REXO4: variants seen among roughly 807,000 people sequenced by gnomAD.
REXO4 encodes the protein REX4 homolog, 3'-5' exonuclease.
REXO4 carries 29 observed loss-of-function variants against 39.9 expected under a neutral mutation model. The ratio of observed to expected loss-of-function variants is 0.73; its 90% CI spans 0.54 to 0.99. The LOEUF (loss-of-function observed/expected upper bound fraction) is 0.99. Among genes scored for constraint, REXO4 ranks in the 50% least tolerant of loss-of-function variants. REXO4 has a pLI of 0.00. For synonymous variants in REXO4, 184 were observed against 206.2 expected (o/e 0.89, Z 0.92); for missense variants, 524 against 546.5 (o/e 0.96, Z 0.41).
chr9:133,411,070 T>C lies in REXO4; in HGVS notation c.914A>G (p.Glu305Gly). 6.2e-7 allele frequency: 1 copy of C among 1,613,964 alleles called. No individual in the cohort carries two copies. Among genetic ancestry groups the C allele is most frequent in the Non-Finnish European group, 8.5e-7 (1 of 1,179,912 alleles). Residue 305 changes from glutamate (E) to glycine (G), a missense_variant, in exon 5 of 8, where the codon GAA (glutamate) becomes GGA (glycine). Transcript: ENST00000371942. Reference protein sequence around the residue: ...GIRPENLKQGEELEVVQKEVA... With the variant: ...GIRPENLKQGGELEVVQKEVA... ...TTCCTTCTGAACAACTTCAAGCTCT[T>C]CTCCTGGAAAATCAACACAAAGAAG...
In REXO4 at chr9:133,410,943, C is replaced by T. The variant is rs188804283; in HGVS notation, c.999+42G>A. 2.3e-4 allele frequency: 347 copies of T among 1,478,886 alleles called. No homozygotes were observed. The African/African-American group carries it at 4.0e-3, about 17-fold the overall frequency. 91.6% of individuals were successfully genotyped at this position (1,478,886 alleles called of 1,614,324 possible). A position where few individuals can be genotyped will look rare whatever the true frequency, so the allele number is the denominator to read the frequency against. On this transcript the variant is annotated intron_variant, in intron 5 of 7. Coordinates refer to ENST00000371942, the MANE Select transcript of REXO4 (RefSeq NM_020385.4). ...AGCAAGGGCGTGAGTGTAACACCCA[C>T]GGAGCAGGGGCAGGCTGAGTCCCCA...
At chr9:133,412,198 C>T in intron 4 of REXO4, 101 bp downstream of exon 4, 1 of 1,237,374 alleles carries the variant, frequency 8.1e-7, no homozygotes. Context: ...GCATCAAAAC[C>T]AGCTGCAGTG....
intron 2 of REXO4, chr9:133,414,365 C>T (rs1274236594): frequency 1.0e-5 from 6 of 596,162 alleles, no homozygotes; most frequent in Admixed American, 4.3e-5. Context: ...ACCCAACTGG[C>T]GAGAAGCAGG....
chr9:133,409,040 A>G (rs1428794156), intron 5 of REXO4, among the ~76,000 whole-genome samples, 198 bp from the exon 6 acceptor site: 2 of 146,530 alleles, frequency 1.4e-5, no homozygotes, highest in African/African-American at 5.1e-5. Context: ...ATCTTTGCTG[A>G]CTGCAACCTC....
chr9:133,412,256 TTACTAC>T, intron 4 of REXO4, 37 bp downstream of exon 4: 2 of 1,591,536 alleles, frequency 1.3e-6, no homozygotes, highest in Non-Finnish European at 1.7e-6. Context: ...ACGAATCCAG[TTACTAC>T]TTTCCCTTCT....
intron 1 of REXO4, 34 bp downstream of exon 1, chr9:133,417,586 C>A: frequency 1.2e-6 from 2 of 1,602,960 alleles, no homozygotes; most frequent in Non-Finnish European, 1.7e-6. Context: ...GAATGAGCTG[C>A]GCAGCGCTCC....
chr9:133,410,943 C>G (rs188804283), intron 5 of REXO4, 42 bp downstream of exon 5: 1 of 1,478,888 alleles, frequency 6.8e-7, no homozygotes, highest in South Asian at 1.1e-5. Flanking sequence ...GTAACACCCA[C>G]GGAGCAGGGG....
In REXO4 at chr9:133,411,003, A is replaced by T. The variant is rs1554780007; in HGVS notation, c.981T>A (p.Ala327=). 6 of 1,614,066 alleles carry T rather than the reference A, an allele frequency of 3.7e-6. No individual in the cohort carries two copies. The highest frequency in any genetic ancestry group is 1.3e-5 in the African/African-American group (1 of 75,020). Residue 327 remains alanine, a synonymous_variant, in exon 5 of 8, where the codon GCT becomes GCA. Transcript: ENST00000371942. The stretch of plus-strand genomic sequence containing the variant: ...CCAGTACCTTTAGGTCATTATGCAG[A>T]GCGTGCCCCACTAGAATTCTGCCCT... ...MLKGRILVGH[A]LHNDLKVLFL... is the part of the protein sequence containing the mutation.
rs1336986124 is a variant in REXO4, at chr9:133,415,067, G to A, written c.226-56C>T. 4.1e-6 allele frequency: 6 copies of A among 1,474,242 alleles called. No homozygotes were observed. The African/African-American group carries it at 7.1e-5, about 17-fold the overall frequency. The allele number at this position is 1,474,242 out of a possible 1,614,324, so 91.3% of individuals were successfully genotyped here. A position where few individuals can be genotyped will look rare whatever the true frequency, so the allele number is the denominator to read the frequency against. Reference sequence around the variant, plus strand: ...TTGAATTTGGAAATTACACACAGCAGATTGAAAAAACTTACGTGTGTATGT... The same window carrying A: ...TTGAATTTGGAAATTACACACAGCAAATTGAAAAAACTTACGTGTGTATGT... On this transcript the variant is annotated intron_variant, in intron 1 of 7. Transcript: ENST00000371942.
At chr9:133,409,378 C>A (rs1839095824) in intron 5 of REXO4, among the ~76,000 whole-genome samples, 1 of 152,054 alleles carries the variant, frequency 6.6e-6, no homozygotes, top group Non-Finnish European at 1.5e-5. Context: ...TAAGCTGATG[C>A]CCAACAGTCA....
Position 133,417,776 on chromosome 9 carries a change from G to T in REXO4, c.69C>A (p.Val23=). The T allele has an allele frequency of 6.2e-7, 1 of 1,611,354 alleles. No homozygotes were observed. Among genetic ancestry groups the T allele is most frequent in the South Asian group, 1.1e-5 (1 of 91,078 alleles). ...PSSPVAKPGP[V]KTLTRKKNKK... is the part of the protein sequence containing the mutation. The stretch of plus-strand genomic sequence containing the variant: ...TGTTTTTCTTCCGAGTGAGCGTCTT[G>T]ACAGGACCCGGCTTAGCCACGGGGC... The change falls in exon 1 of 8, where the codon GTC becomes GTA. Residue 23 remains valine, a synonymous_variant. Coordinates refer to ENST00000371942, the MANE Select transcript of REXO4 (RefSeq NM_020385.4).
intron 1 of REXO4, 114 bp from the exon 2 acceptor site, chr9:133,415,125 C>T: frequency 1.3e-6 from 1 of 797,454 alleles, no homozygotes; most frequent in Non-Finnish European, 2.0e-6. Context: ...CACATCTATA[C>T]AATTCCCATC....
chr9:133,408,765 T>C lies in REXO4; in HGVS notation c.1074+3A>G. ...TATCTTGAGTCACACTCATTCTAAG[T>C]ACCTTTACTTGACTCTTGAAAGGTT... On this transcript the variant is annotated splice_donor_region_variant and intron_variant, in intron 6 of 7. Coordinates refer to ENST00000371942, the MANE Select transcript of REXO4 (RefSeq NM_020385.4). The C allele has an allele frequency of 6.3e-7, 1 of 1,583,618 alleles. No homozygotes were observed. Among genetic ancestry groups the C allele is most frequent in the Non-Finnish European group, 8.7e-7 (1 of 1,154,886 alleles).
Position 133,407,096 on chromosome 9 carries a change from C to G in REXO4, c.1150-24G>C, listed in dbSNP as rs1838922975. The G allele has an allele frequency of 1.9e-6, 3 of 1,611,114 alleles. No homozygotes were observed. In the East Asian group the frequency reaches 6.7e-5, roughly 36 times the overall value. On this transcript the variant is annotated intron_variant, in intron 7 of 7. Transcript: ENST00000371942. ...ATCTAGACGACATGAAACATCCCAG[C>G]AGGTGACGAGGCATAGCCGCAGCCC...
rs1013261022 is a variant in REXO4 at position 133,412,974 on chromosome 9, G to C, written c.573-53C>G. The C allele has an allele frequency of 1.3e-5, 20 of 1,592,358 alleles. No homozygotes were observed. The Admixed American group carries it at 1.8e-4, about 15-fold the overall frequency. On this transcript the variant is annotated intron_variant, in intron 2 of 7. Transcript: ENST00000371942. ...ACCAGAAGACCCTAGTGCAACTGGT[G>C]GGGTGGGGCTGTGGGGCTGACTGTG...
Position 133,412,591 on chromosome 9 carries a change from A to C in REXO4, c.717-99T>G, listed in dbSNP as rs1839279743. 2.8e-6 allele frequency: 4 copies of C among 1,439,548 alleles called. No individual in the cohort carries two copies. The East Asian group carries it at 9.1e-5, about 33-fold the overall frequency. 89.2% of individuals were successfully genotyped at this position (1,439,548 alleles called of 1,614,324 possible). ...CCATGGACTAAGTGTCAGCAGAGAA[A>C]AGCTCTCTGCCCCTCACTCATTTGC... is the stretch of plus-strand genomic sequence containing the variant. On this transcript the variant is annotated intron_variant, in intron 3 of 7. Coordinates refer to ENST00000371942, the MANE Select transcript of REXO4 (RefSeq NM_020385.4).
chr9:133,417,788 C>T lies in REXO4; in HGVS notation c.57G>A (p.Lys19=). 6.2e-7 allele frequency: 1 copy of T among 1,609,980 alleles called. No homozygotes were observed. The highest frequency in any genetic ancestry group is 8.5e-7 in the Non-Finnish European group (1 of 1,179,868). ...GAGTGAGCGTCTTGACAGGACCCGG[C>T]TTAGCCACGGGGCTGCTCGGGGCGC... ...SKRAPSSPVA[K]PGPVKTLTRK... is the part of the protein sequence containing the mutation. Residue 19 remains lysine, a synonymous_variant, in exon 1 of 8, where the codon AAG becomes AAA. Coordinates refer to ENST00000371942, the MANE Select transcript of REXO4 (RefSeq NM_020385.4).
At chr9:133,416,797 C>A (rs3118664) in intron 1 of REXO4, among the ~76,000 whole-genome samples, 69,037 of 151,844 alleles carry the variant, frequency 0.45, 16,029 homozygotes, top group African/African-American at 0.54. Context: ...TGTACAATAG[C>A]GATGATGGAA....
chr9:133,418,111 C>A (rs1423727133), upstream of REXO4: 1 of 504,082 alleles, frequency 2.0e-6, no homozygotes, highest in Non-Finnish European at 3.5e-6. Context: ...GGGCGGTTCA[C>A]CCGCACGGGA....
Sources: gnomAD v4.1 joint callset for allele counts (sites outside exome capture counted in the v4.1 genomes callset) on GRCh38, gnomAD v4.1.1 for gene constraint, MANE v1.5 for transcripts, NCBI Gene and HGNC (gene_info 2026-07-23, HGNC 2026-07-21) for gene names.